The following ANKLE2 variants were observed in gnomAD, a reference collection of about 807,000 sequenced individuals.
The protein encoded by ANKLE2 is ankyrin repeat and LEM domain containing 2, also known as ankyrin repeat and LEM domain-containing protein 2.
ANKLE2 carries 55 observed loss-of-function variants against 84.2 expected under a neutral mutation model. The ratio of observed to expected loss-of-function variants is 0.65; its 90% CI spans 0.53 to 0.82. The LOEUF (loss-of-function observed/expected upper bound fraction) is 0.82, where lower values mean the gene tolerates loss of function less well. ANKLE2 is among the 40% of genes least tolerant of loss of function. The probability of loss-of-function intolerance (pLI) is 0.00; values close to 1 mark genes in which losing one functional copy is unlikely to be tolerated. For synonymous variants in ANKLE2, 551 were observed against 486.1 expected (o/e 1.13, Z -1.76); for missense variants, 1,238 against 1,201.9 (o/e 1.03, Z -0.44).
At chr12:132,728,003 G>A (rs776865718) in intron 12 of ANKLE2, 29 bp downstream of exon 12, 132 of 1,574,778 alleles carry the variant, frequency 8.4e-5, no homozygotes, top group Non-Finnish European at 8.3e-5. Context: ...GCTGCCCTGC[G>A]GGTGACAGGC....
Position 132,728,968 on chromosome 12 carries a change from C to T in ANKLE2, c.2483+711G>A, listed in dbSNP as rs147959206. Among the ~76,000 whole-genome samples the T allele has an allele frequency of 1.2e-4, 18 of 152,230 alleles. No homozygotes were observed. In the East Asian group the frequency reaches 3.1e-3, roughly 26 times the overall value. On this transcript the variant is annotated intron_variant, in intron 11 of 12. Transcript: ENST00000357997. ...CAAATAACAGCCAACACTAGGATCA[C>T]CCACGGTCCAACCAGAGGAAGACCC...
intron 10 of ANKLE2, chr12:132,733,918 A>C (rs200076993): frequency 3.4e-4 from 154 of 454,668 alleles, no homozygotes; most frequent in Admixed American, 7.6e-4. Context: ...AAACACAAGC[A>C]GAAACAGCAA....
chr12:132,740,986 CAA>C (rs1278437466), intron 7 of ANKLE2, among the ~76,000 whole-genome samples: 3 of 152,090 alleles, frequency 2.0e-5, no homozygotes, highest in African/African-American at 4.8e-5. Context: ...CCAACACAGG[CAA>C]AGAGACACAC....
chr12:132,737,317 GAAAGA>G (rs951316760), intron 7 of ANKLE2: 4 of 417,842 alleles, frequency 9.6e-6, no homozygotes, highest in Non-Finnish European at 1.3e-5. Context: ...TACAAGAAAA[GAAAGA>G]AAAGAAAAGG....
intron 12 of ANKLE2, 30 bp downstream of exon 12, chr12:132,728,002 C>G (rs747102848): frequency 1.3e-6 from 2 of 1,574,204 alleles, no homozygotes; most frequent in Non-Finnish European, 1.7e-6. Flanking sequence ...AGCTGCCCTG[C>G]GGGTGACAGG....
rs752610907 is a variant in ANKLE2 at position 132,727,235 on chromosome 12, G to A, written c.*7C>T. On this transcript the variant is annotated 3_prime_UTR_variant, in exon 13 of 13. Coordinates refer to ENST00000357997, the MANE Select transcript of ANKLE2 (RefSeq NM_015114.3). ...ATGAAGAACAAACCGAGAGCCCAGC[G>A]CCAAGCCTACAGGGCGGCAAGCTCA... 13 of 1,545,432 alleles carry A rather than the reference G, an allele frequency of 8.4e-6. No homozygotes were observed. Among genetic ancestry groups the A allele is most frequent in the Admixed American group, 7.9e-5 (4 of 50,834 alleles).
rs572823906 is a variant in ANKLE2 at position 132,736,377 on chromosome 12, G to A, written c.1593+516C>T. On this transcript the variant is annotated intron_variant, in intron 8 of 12. Transcript: ENST00000357997. ...GTAAATAAAAAAGTGTACAACCTTT[G>A]ACCCAGCAACACCACCATTAAGGAT... is the stretch of plus-strand genomic sequence containing the variant. Among the ~76,000 whole-genome samples, 15 of 152,352 alleles carry A rather than the reference G, an allele frequency of 9.8e-5. No individual in the cohort carries two copies. The South Asian group carries it at 2.5e-3, about 25-fold the overall frequency.
rs368951320 is a variant in ANKLE2, at chr12:132,741,378, G to A, written c.1420+41C>T. 2.0e-4 allele frequency: 327 copies of A among 1,602,140 alleles called. No homozygotes were observed. In the African/African-American group the frequency reaches 2.5e-3, roughly 12 times the overall value. On this transcript the variant is annotated intron_variant, in intron 7 of 12. Transcript: ENST00000357997. ...CCCCCAACGCTCCAAGGCCCTTCCC[G>A]GCGTGGACCCCACGATCCAGGCACC...
In ANKLE2 at chr12:132,755,103, C is replaced by T. The variant is rs200911469; in HGVS notation, c.212G>A (p.Arg71Gln). The change falls in exon 2 of 13, where the codon CGA becomes CAA. Residue 71 changes from arginine to glutamine, a missense_variant. Around this residue, in one of 3 missense-constraint regions of ANKLE2, gnomAD observed 422 missense variants for 394.5 expected, o/e 1.07. Coordinates refer to ENST00000357997, the MANE Select transcript of ANKLE2 (RefSeq NM_015114.3). The stretch of plus-strand genomic sequence containing the variant: ...GTCATCTGGATTCAGAAGTTTCAAT[C>T]GAGCCAACAGAGCATCCATTGTCAT... ...GEMTMDALLA[R>Q]LKLLNPDDLR... is the part of the protein sequence containing the mutation. 321 of 1,609,714 alleles carry T rather than the reference C, an allele frequency of 2.0e-4. 1 individual carries two copies. Among genetic ancestry groups the T allele is most frequent in the Middle Eastern group, 3.3e-4 (2 of 6,058 alleles).
chr12:132,739,881 G>A (rs1367413775), intron 7 of ANKLE2, among the ~76,000 whole-genome samples: 2 of 152,198 alleles, frequency 1.3e-5, no homozygotes, highest in Admixed American at 1.3e-4. Context: ...AGGAGCTCTG[G>A]AGGTGCCGTG....
Position 132,750,842 on chromosome 12 carries a change from G to C in ANKLE2, c.648C>G (p.Ile216Met). ...YEDVPARNER[I>M]YVYENKKEAL... ...CTTCCTTTTTATTTTCATAAACATA[G>C]ATCCTTTCTGGGTAAGAAAAGTAAC... The change falls in exon 3 of 13, where the codon ATC becomes ATG. Residue 216 changes from isoleucine (I) to methionine (M), a missense_variant. Around this residue, in one of 3 missense-constraint regions of ANKLE2, gnomAD observed 422 missense variants for 394.5 expected, o/e 1.07. Coordinates refer to ENST00000357997, the MANE Select transcript of ANKLE2 (RefSeq NM_015114.3). The C allele has an allele frequency of 6.2e-7, 1 of 1,613,652 alleles. No individual in the cohort carries two copies. The highest frequency in any genetic ancestry group is 8.5e-7 in the Non-Finnish European group (1 of 1,179,768).
chr12:132,739,532 C>T (rs1037710905), intron 7 of ANKLE2, among the ~76,000 whole-genome samples: 1 of 152,174 alleles, frequency 6.6e-6, no homozygotes, highest in African/African-American at 2.4e-5. Flanking sequence ...TTTACCTACA[C>T]TTTACTCATA....
intron 2 of ANKLE2, chr12:132,751,200 G>T (rs951996242): frequency 2.4e-5 from 4 of 166,392 alleles, no homozygotes; most frequent in Admixed American, 6.3e-5. Context: ...GAACATAAGA[G>T]AATTTTAAAC....
At chr12:132,732,055 G>A (rs78451445) in intron 10 of ANKLE2, 52 of 94,578 alleles carry the variant, frequency 5.5e-4, no homozygotes, top group South Asian at 1.1e-3. Context: ...GGTGTCTGAT[G>A]TGCACCGTGT....
chr12:132,744,689 CT>C (rs144388066), intron 5 of ANKLE2, among the ~76,000 whole-genome samples: 1 of 151,542 alleles, frequency 6.6e-6, no homozygotes, highest in Non-Finnish European at 1.5e-5. Flanking sequence ...GCACTATAGA[CT>C]TTTTTTTTGA....
rs748678830 is a variant in ANKLE2, at chr12:132,727,488, G to A, written c.2616-45C>T. 6.1e-5 allele frequency: 94 copies of A among 1,546,204 alleles called. 1 individual carries two copies. The highest frequency in any genetic ancestry group is 1.4e-4 in the Admixed American group (7 of 50,974). On this transcript the variant is annotated intron_variant, in intron 12 of 12. Coordinates refer to ENST00000357997, the MANE Select transcript of ANKLE2 (RefSeq NM_015114.3). ...ACTGTTAGCAGACGGGCACAGGCCC[G>A]GAGATGAACAGCAAAAGTCGGAGAA... is the stretch of plus-strand genomic sequence containing the variant.
At chr12:132,751,564 A>G (rs912795195) in intron 2 of ANKLE2, among the ~76,000 whole-genome samples, 1 of 149,858 alleles carries the variant, frequency 6.7e-6, no homozygotes, top group East Asian at 2.0e-4. Flanking sequence ...TTTTTTTGAC[A>G]TGGAGTCTCA....
chr12:132,733,877 G>C, intron 10 of ANKLE2: 1 of 443,926 alleles, frequency 2.3e-6, no homozygotes, highest in Middle Eastern at 3.3e-4. Flanking sequence ...AAACGGCACA[G>C]AATGAAACTA....
At chr12:132,744,367 G>A (rs1489842888) in intron 5 of ANKLE2, among the ~76,000 whole-genome samples, 1 of 152,154 alleles carries the variant, frequency 6.6e-6, no homozygotes, top group Non-Finnish European at 1.5e-5. Context: ...CAAGATTCTG[G>A]CTGTGAAGTG....
Sources: allele counts gnomAD v4.1 joint callset (sites outside exome capture counted in the v4.1 genomes callset), GRCh38; gene constraint gnomAD v4.1.1; regional missense constraint gnomAD v4.1.1; transcripts MANE v1.5; gene names NCBI Gene and HGNC (gene_info 2026-07-23, HGNC 2026-07-21).